The following UNKL variants were observed in gnomAD, a reference collection of about 807,000 sequenced individuals.
UNKL encodes the protein unk like zinc finger.
Under a neutral mutation model 78.0 loss-of-function variants are expected in UNKL, and 60 were observed. The ratio of observed to expected loss-of-function variants is 0.77; its 90% CI spans 0.63 to 0.95. The LOEUF (loss-of-function observed/expected upper bound fraction) is 0.95. Ranked by LOEUF, UNKL falls within the 40% of genes least tolerant of loss-of-function variation. The pLI is 0.00. For missense variants in UNKL, 1,159 were observed against 1,045.7 expected (o/e 1.11, Z -1.49); for synonymous variants, 608 against 474.8 (o/e 1.28, Z -3.65).
chr16:1,376,677 C>T (rs1451812985), intron 10 of UNKL, among the ~76,000 whole-genome samples: 4 of 141,884 alleles, frequency 2.8e-5, no homozygotes, highest in Non-Finnish European at 6.1e-5. Flanking sequence ...TAGCACCCTG[C>T]GATCTGTAGC....
intron 5 of UNKL, among the ~76,000 whole-genome samples, chr16:1,397,989 G>A (rs929080877): frequency 5.3e-5 from 8 of 152,244 alleles, no homozygotes; most frequent in African/African-American, 1.9e-4. Context: ...GGGGTCAGGA[G>A]CCCCGGGGCT....
chr16:1,396,347 C>T lies in UNKL; in HGVS notation c.852+831G>A, dbSNP rs113429053. The stretch of plus-strand genomic sequence containing the variant: ...TCGGCTCACTCTAAGCTCTGCCTCC[C>T]GGGTTCAAGCGATCCTCACGTCTCA... On this transcript the variant is annotated intron_variant, in intron 6 of 14. Transcript: ENST00000389221. Among the ~76,000 whole-genome samples, 261 of 151,696 alleles carry T rather than the reference C, an allele frequency of 1.7e-3. 2 individuals are homozygous for T. The highest frequency in any genetic ancestry group is 5.4e-3 in the African/African-American group (224 of 41,298).
rs759253663 is a variant in UNKL, at chr16:1,394,166, G to A, written c.902C>T (p.Pro301Leu). 7.1e-6 allele frequency: 11 copies of A among 1,550,708 alleles called. No individual in the cohort carries two copies. Among genetic ancestry groups the A allele is most frequent in the South Asian group, 2.4e-5 (2 of 84,058 alleles). ...CNDMRQTGYCPRGPFCAFAHV... is the reference protein window; with the variant it reads ...CNDMRQTGYCLRGPFCAFAHV... Reference sequence around the variant, plus strand: ...TGCAAAGGCACAGAAGGGGCCGCGCGGGCAGTACCCGGTTTGGCGCATGTC... The same window carrying A: ...TGCAAAGGCACAGAAGGGGCCGCGCAGGCAGTACCCGGTTTGGCGCATGTC... Residue 301 changes from proline (P) to leucine (L), a missense_variant, in exon 7 of 15, where the codon CCG becomes CTG. Coordinates refer to ENST00000389221, the MANE Select transcript of UNKL (RefSeq NM_001372107.1).
Position 1,367,758 on chromosome 16 carries a change from A to C in UNKL, c.1686T>G (p.Ser562Arg). 1.3e-6 allele frequency: 2 copies of C among 1,573,988 alleles called. No homozygotes were observed. Among genetic ancestry groups the C allele is most frequent in the Non-Finnish European group, 1.7e-6 (2 of 1,160,634 alleles). ...CCAGCTCAGCTCCGTTTGGACTTGC[A>C]CTCGAAGAGGATGGGGGGCCGGCAC... is the stretch of plus-strand genomic sequence containing the variant. ...ILSAGPPSSSSASPNGAELAR... is the reference protein window; with the variant it reads ...ILSAGPPSSSRASPNGAELAR... Residue 562 changes from serine (S) to arginine (R), a missense_variant, in exon 13 of 15, where the codon AGT becomes AGG. Physicochemically the swap from Ser to Arg is moderately radical, Grantham distance 110 (BLOSUM62 -1). Coordinates refer to ENST00000389221, the MANE Select transcript of UNKL (RefSeq NM_001372107.1).
intron 2 of UNKL, among the ~76,000 whole-genome samples, chr16:1,404,353 G>A (rs1489252178): frequency 6.6e-6 from 1 of 152,212 alleles, no homozygotes; most frequent in Non-Finnish European, 1.5e-5. Context: ...AGGAGCTCCA[G>A]CCAGGGATGG....
chr16:1,365,437 GCACAGAAACAGCGGCCACGGAC>G lies in UNKL; in HGVS notation c.*781_*802del, dbSNP rs538539427. Reference sequence around the variant, plus strand: ...TTCACTTGCTCTCCGAGGCGCAGGCGCACAGAAACAGCGGCCACGGACCACAGAAATGCAGGACGGAGCTCTC... The same window carrying G: ...TTCACTTGCTCTCCGAGGCGCAGGCGCACAGAAATGCAGGACGGAGCTCTC... On this transcript the variant is annotated 3_prime_UTR_variant, in exon 15 of 15. Transcript: ENST00000389221. The G allele has an allele frequency of 6.6e-6, 1 of 152,508 alleles. No individual in the cohort carries two copies. Among genetic ancestry groups the G allele is most frequent in the African/African-American group, 2.4e-5 (1 of 41,568 alleles). The allele number at this position is 152,508 out of a possible 1,614,324, so 9.4% of individuals were successfully genotyped here. A position where few individuals can be genotyped will look rare whatever the true frequency, so the allele number is the denominator to read the frequency against.
intron 6 of UNKL, 89 bp downstream of exon 6, chr16:1,397,089 T>G: frequency 7.2e-7 from 1 of 1,398,330 alleles, no homozygotes; most frequent in Non-Finnish European, 9.8e-7. Context: ...TAATCACTGT[T>G]CCTTCTGTGT....
chr16:1,383,545 T>A (rs1002935314), intron 10 of UNKL: 3 of 338,726 alleles, frequency 8.9e-6, no homozygotes, highest in African/African-American at 6.4e-5. Flanking sequence ...TGGTCTAGTG[T>A]CCTGCCGATG....
intron 9 of UNKL, among the ~76,000 whole-genome samples, chr16:1,389,461 G>A (rs2036954625): frequency 6.6e-6 from 1 of 152,180 alleles, no homozygotes; most frequent in Admixed American, 6.5e-5. Flanking sequence ...TGGGGTCCCA[G>A]CAACTCAGAA....
At chr16:1,371,938 C>T (rs2035875400) in intron 10 of UNKL, among the ~76,000 whole-genome samples, 1 of 152,172 alleles carries the variant, frequency 6.6e-6, no homozygotes, top group South Asian at 2.1e-4. Context: ...AGCATCTGTC[C>T]ACGTGTGCAC....
chr16:1,381,504 C>T (rs2036606198), intron 10 of UNKL, among the ~76,000 whole-genome samples: 1 of 152,146 alleles, frequency 6.6e-6, no homozygotes, highest in East Asian at 1.9e-4. Context: ...CCTGTAATCC[C>T]AGCTACTCCG....
chr16:1,380,589 C>T (rs1279225586), intron 10 of UNKL, among the ~76,000 whole-genome samples: 1 of 137,988 alleles, frequency 7.2e-6, no homozygotes, highest in African/African-American at 2.8e-5. Flanking sequence ...GCAGCAGCAA[C>T]AATACATTGC....
intron 10 of UNKL, among the ~76,000 whole-genome samples, chr16:1,378,682 C>G (rs1481930063): frequency 6.6e-6 from 1 of 152,164 alleles, no homozygotes; most frequent in African/African-American, 2.4e-5. Flanking sequence ...TGCTGAAGCC[C>G]GGGAAGCTGC....
rs1400903040 is a variant in UNKL, at chr16:1,414,071, G to A, written c.78-16C>T. ...CTTCAGGTACCTACAAACACAGACA[G>A]CGCCGCGGCTCGCTTCCGGCAGCAC... On this transcript the variant is annotated splice_polypyrimidine_tract_variant and intron_variant, in intron 1 of 14. Transcript: ENST00000389221. The A allele has an allele frequency of 1.3e-6, 2 of 1,526,784 alleles. No homozygotes were observed. Among genetic ancestry groups the A allele is most frequent in the African/African-American group, 2.8e-5 (2 of 72,546 alleles). 94.6% of individuals were successfully genotyped at this position (1,526,784 alleles called of 1,614,324 possible).
At chr16:1,381,891 G>T (rs2036620200) in intron 10 of UNKL, among the ~76,000 whole-genome samples, 1 of 152,200 alleles carries the variant, frequency 6.6e-6, no homozygotes, top group South Asian at 2.1e-4. Flanking sequence ...GCTGCAGCGA[G>T]CTGACTGTAC....
rs531404977 is a variant in UNKL at position 1,401,548 on chromosome 16, A to G, written c.598+20T>C. ...GCCCGCCCCCCCCACCACCGCCCTC[A>G]GCTGCGGCCGTGGAGTTACCTTGCC... On this transcript the variant is annotated intron_variant, in intron 4 of 14. Coordinates refer to ENST00000389221, the MANE Select transcript of UNKL (RefSeq NM_001372107.1). 4.2e-5 allele frequency: 60 copies of G among 1,417,284 alleles called. 2 individuals are homozygous for G. In the Middle Eastern group the frequency reaches 3.0e-3, roughly 71 times the overall value. 87.8% of individuals were successfully genotyped at this position (1,417,284 alleles called of 1,614,324 possible). A position where few individuals can be genotyped will look rare whatever the true frequency, so the allele number is the denominator to read the frequency against.
chr16:1,407,861 G>C (rs748391688), intron 2 of UNKL, among the ~76,000 whole-genome samples: 10 of 152,166 alleles, frequency 6.6e-5, no homozygotes, highest in African/African-American at 9.7e-5. Flanking sequence ...ATGGCCACTC[G>C]TTCTGTGGCT....
rs1027839323 is a variant in UNKL at position 1,387,702 on chromosome 16, C to T, written c.1087-2317G>A. ...CTCAGGATGGCAACGCACGGCCCTC[C>T]GGGGACGTGGACACTGCACAGCCGC... On this transcript the variant is annotated intron_variant, in intron 9 of 14. Transcript: ENST00000389221. This position sits in a 1 kb window ranked among gnomAD's most constrained non-coding sequence, Gnocchi z 4.1. 6.6e-5 allele frequency among the ~76,000 whole-genome samples: 10 copies of T among 152,194 alleles called. No homozygotes were observed. The highest frequency in any genetic ancestry group is 1.9e-4 in the East Asian group (1 of 5,150).
chr16:1,403,226 G>A lies in UNKL; in HGVS notation c.406C>T (p.Leu136=), dbSNP rs2037609305. The change falls in exon 3 of 15, where the codon CTG becomes TTG. Residue 136 remains leucine, a synonymous_variant. Transcript: ENST00000389221. This position sits in a 1 kb window ranked among gnomAD's most constrained non-coding sequence, Gnocchi z 4.8. The stretch of plus-strand genomic sequence containing the variant: ...GGGCCGTGCGCGAAGGCACAGTGCA[G>A]CCCATTCTTCACGCAGTGGCCACGT... ...DARGHCVKNG[L]HCAFAHGPLD... 2 of 1,613,984 alleles carry A rather than the reference G, an allele frequency of 1.2e-6. No homozygotes were observed. The highest frequency in any genetic ancestry group is 2.2e-5 in the South Asian group (2 of 91,076).
Sources: allele counts gnomAD v4.1 joint callset (sites outside exome capture counted in the v4.1 genomes callset), GRCh38; gene constraint gnomAD v4.1.1; non-coding constraint Gnocchi (gnomAD v3.1); transcripts MANE v1.5; gene names NCBI Gene and HGNC (gene_info 2026-07-23, HGNC 2026-07-21).